ST7: variants seen among roughly 807,000 people sequenced by gnomAD.
ST7 encodes the protein suppressor of tumorigenicity 7 protein.
In ST7, 28 loss-of-function variants were observed where a neutral mutation model predicts 78.7. The ratio of observed to expected loss-of-function variants is 0.36; its 90% CI spans 0.26 to 0.49. The LOEUF is 0.49. Ranked by LOEUF, ST7 falls within the 20% of genes least tolerant of loss-of-function variation. ST7 has a pLI of 0.99. For synonymous variants in ST7, 247 were observed against 249.6 expected, an observed-to-expected ratio of 0.99 and a Z score of 0.10; for missense variants, 418 against 696.0, an observed-to-expected ratio of 0.60 and a Z score of 4.49.
At chr7:117,171,848 A>G (rs1392156191) in intron 10 of ST7, among the ~76,000 whole-genome samples, 1 of 152,122 alleles carries the variant, frequency 6.6e-6, no homozygotes, top group Non-Finnish European at 1.5e-5. Flanking sequence ...TGCTTTATGA[A>G]ATATTTTTTC....
At chr7:117,208,556 C>A (rs892756217) in intron 12 of ST7, among the ~76,000 whole-genome samples, 5 of 152,142 alleles carry the variant, frequency 3.3e-5, no homozygotes, top group African/African-American at 1.2e-4. Flanking sequence ...GGGCCATACA[C>A]CTCGACACCA....
intron 10 of ST7, among the ~76,000 whole-genome samples, chr7:117,180,838 A>T (rs1169154784): frequency 6.6e-6 from 1 of 152,076 alleles, no homozygotes; most frequent in Non-Finnish European, 1.5e-5. Context: ...TTTTGTAGAG[A>T]TGAGGTCTCA....
chr7:116,989,666 C>T (rs1346105026), intron 1 of ST7, among the ~76,000 whole-genome samples: 1 of 151,446 alleles, frequency 6.6e-6, no homozygotes, highest in East Asian at 1.9e-4. Flanking sequence ...TAGTGAGACC[C>T]CCATCTCTAA....
At chr7:117,017,621 A>G (rs1008971208) in intron 1 of ST7, among the ~76,000 whole-genome samples, 1 of 152,064 alleles carries the variant, frequency 6.6e-6, no homozygotes. Context: ...ATTGTATTAT[A>G]TGACTTTTTT....
Position 117,190,855 on chromosome 7 carries a change from T to G in ST7, c.1173T>G (p.Ser391=). Residue 391 remains serine, a synonymous_variant, in exon 12 of 16, where the codon TCT becomes TCG. Coordinates refer to ENST00000323984, the MANE Select transcript of ST7 (RefSeq NM_001369598.1). This position sits in a 1 kb window ranked among gnomAD's most constrained non-coding sequence, Gnocchi z 5.2. ...TCAGATTCTCTCCTGAGGCTGCATC[T>G]CGGCGGGGGCTGAGCACAGCAGAGA... is the stretch of plus-strand genomic sequence containing the variant. ...VSDKFSPEAA[S]RRGLSTAEMN... 1 of 1,614,046 alleles carries G rather than the reference T, an allele frequency of 6.2e-7. No homozygotes were observed. Among genetic ancestry groups the G allele is most frequent in the Non-Finnish European group, 8.5e-7 (1 of 1,179,994 alleles).
At chr7:117,152,057 T>G (rs1806286120) in intron 9 of ST7, among the ~76,000 whole-genome samples, 2 of 150,182 alleles carry the variant, frequency 1.3e-5, no homozygotes, top group Admixed American at 1.3e-4. Flanking sequence ...AGGCAGAGGT[T>G]GCAGTGAGCC....
chr7:117,154,165 G>A (rs529432799), intron 9 of ST7, among the ~76,000 whole-genome samples: 3 of 152,258 alleles, frequency 2.0e-5, no homozygotes, highest in East Asian at 3.9e-4. Context: ...AGCTAATTAG[G>A]TCATGAGGGT....
intron 9 of ST7, among the ~76,000 whole-genome samples, chr7:117,150,554 G>C (rs1294856586): frequency 6.6e-6 from 1 of 152,040 alleles, no homozygotes; most frequent in Non-Finnish European, 1.5e-5. Context: ...CTCTCCATCT[G>C]CTCCTTCTCC....
intron 9 of ST7, among the ~76,000 whole-genome samples, chr7:117,146,764 T>C (rs1225789710): frequency 3.9e-5 from 6 of 152,208 alleles, no homozygotes; most frequent in African/African-American, 1.2e-4. Context: ...GGAGTTTGTG[T>C]CAGCTAAGAT....
chr7:117,140,143 T>C lies in ST7; in HGVS notation c.963+1611T>C, dbSNP rs193064511. Among the ~76,000 whole-genome samples, 39 of 152,368 alleles carry C rather than the reference T, an allele frequency of 2.6e-4. No homozygotes were observed. The East Asian group carries it at 7.3e-3, about 29-fold the overall frequency. On this transcript the variant is annotated intron_variant, in intron 9 of 15. Coordinates refer to ENST00000323984, the MANE Select transcript of ST7 (RefSeq NM_001369598.1). ...GTCTCTTGGTTATCATAATTTTCAGTACATATAAAATTTCATGTGATTAAA... is the reference window on the plus strand; with the variant it reads ...GTCTCTTGGTTATCATAATTTTCAGCACATATAAAATTTCATGTGATTAAA...
intron 1 of ST7, among the ~76,000 whole-genome samples, chr7:116,984,113 CTGTGTGTGTGTG>C (rs56178812): frequency 1.4e-5 from 2 of 144,676 alleles, no homozygotes; most frequent in Non-Finnish European, 3.0e-5. Flanking sequence ...TTTATGTCAG[CTGTGTGTGTGTG>C]TGTGTGTGTG....
At chr7:117,097,476 C>T (rs1801142992) in intron 1 of ST7, among the ~76,000 whole-genome samples, 1 of 152,094 alleles carries the variant, frequency 6.6e-6, no homozygotes, top group African/African-American at 2.4e-5. Flanking sequence ...CAGGCACCCA[C>T]CATGCCCGGC....
At chr7:117,186,286 T>G (rs143571699) in intron 10 of ST7, among the ~76,000 whole-genome samples, 3 of 152,328 alleles carry the variant, frequency 2.0e-5, no homozygotes, top group African/African-American at 4.8e-5. Flanking sequence ...ATCACTACTC[T>G]TGCACTTTGT....
chr7:117,059,257 C>T (rs1395393332), intron 1 of ST7, among the ~76,000 whole-genome samples: 3 of 152,022 alleles, frequency 2.0e-5, no homozygotes, highest in South Asian at 4.2e-4. Context: ...GACCCTGATG[C>T]CTGGTATTAC....
At chr7:116,961,936 C>A (rs985813833) in intron 1 of ST7, among the ~76,000 whole-genome samples, 2 of 151,254 alleles carry the variant, frequency 1.3e-5, no homozygotes, top group Admixed American at 6.6e-5. Context: ...CCTCCCCTCA[C>A]CCCCCCACCC....
At chr7:117,141,502 C>G (rs1042732621) in intron 9 of ST7, among the ~76,000 whole-genome samples, 1 of 152,106 alleles carries the variant, frequency 6.6e-6, no homozygotes, top group Admixed American at 6.5e-5. Flanking sequence ...TAAAGCAACA[C>G]GTTAATTATT....
chr7:117,195,074 G>A (rs117192522), intron 12 of ST7, among the ~76,000 whole-genome samples: 3,295 of 152,138 alleles, frequency 0.022, 43 homozygotes, highest in Middle Eastern at 0.041. Context: ...GCTCTATAGT[G>A]ATATTATAAA....
At chr7:117,027,071 C>G (rs1324931935) in intron 1 of ST7, among the ~76,000 whole-genome samples, 1 of 152,220 alleles carries the variant, frequency 6.6e-6, no homozygotes, top group East Asian at 1.9e-4. Context: ...CAGAACACTT[C>G]ATCAGTGCAA....
At chr7:117,222,826 T>C (rs1161210028) in intron 15 of ST7, 1 of 1,533,620 alleles carries the variant, frequency 6.5e-7, no homozygotes, top group African/African-American at 1.4e-5. Flanking sequence ...AAGGATGATT[T>C]CTAACTTGGC....
Sources: gnomAD v4.1 joint callset for allele counts (sites outside exome capture counted in the v4.1 genomes callset) on GRCh38, gnomAD v4.1.1 for gene constraint, Gnocchi (gnomAD v3.1) non-coding constraint, MANE v1.5 for transcripts, NCBI Gene and HGNC (gene_info 2026-07-23, HGNC 2026-07-21) for gene names.